Variants in CLASP2 observed in about 807,000 individuals in gnomAD.
CLASP2 encodes cytoplasmic linker associated protein 2.
In CLASP2, 47 loss-of-function variants were observed where a neutral mutation model predicts 194.4. The observed-to-expected ratio is 0.24, with a 90% CI of 0.19 to 0.31. The LOEUF (loss-of-function observed/expected upper bound fraction) is 0.31. CLASP2 is among the 10% of genes least tolerant of loss of function. The pLI is 1.00. For missense variants in CLASP2, 1,445 were observed against 1,823.6 expected, an observed-to-expected ratio of 0.79 and a Z score of 3.78; for synonymous variants, 619 against 633.5, an observed-to-expected ratio of 0.98 and a Z score of 0.34.
chr3:33,615,548 G>C (rs867172306), intron 12 of CLASP2, among the ~76,000 whole-genome samples: 4 of 136,842 alleles, frequency 2.9e-5, no homozygotes, highest in Non-Finnish European at 4.8e-5. Flanking sequence ...GAATTTACCA[G>C]ATAAAGCAGA....
rs1559734302 is a variant in CLASP2 at position 33,718,192 on chromosome 3, G to C, written c.-190C>G. 1 of 402,338 alleles carries C rather than the reference G, an allele frequency of 2.5e-6. No individual in the cohort carries two copies. The allele number at this position is 402,338 out of a possible 1,614,324, so 24.9% of individuals were successfully genotyped here. On this transcript the variant is annotated 5_prime_UTR_variant, in exon 1 of 39. Coordinates refer to ENST00000682230, the MANE Select transcript of CLASP2 (RefSeq NM_001365631.1). The stretch of plus-strand genomic sequence containing the variant: ...AGCCGCCCCCAAACTAGTCAAACTC[G>C]GCGCCCCCCGATCCCCAGCCCGCTT...
At chr3:33,639,594 AAC>A (rs1319023183) in intron 8 of CLASP2, among the ~76,000 whole-genome samples, 4 of 152,190 alleles carry the variant, frequency 2.6e-5, no homozygotes, top group Admixed American at 6.5e-5. Flanking sequence ...ATTACAGTAA[AAC>A]ACATATTCTT....
At chr3:33,626,472 A>T (rs2078067544) in intron 10 of CLASP2, among the ~76,000 whole-genome samples, 1 of 152,154 alleles carries the variant, frequency 6.6e-6, no homozygotes, top group African/African-American at 2.4e-5. Flanking sequence ...GACCAAATCA[A>T]ATATTCTTAA....
intron 7 of CLASP2, among the ~76,000 whole-genome samples, chr3:33,656,108 T>G (rs2084160974): frequency 6.6e-6 from 1 of 152,128 alleles, no homozygotes; most frequent in Non-Finnish European, 1.5e-5. Flanking sequence ...TGGGTAAGGG[T>G]GAGGACAACT....
rs1046793403 is a variant in CLASP2, at chr3:33,718,176, C to A, written c.-174G>T. On this transcript the variant is annotated 5_prime_UTR_variant, in exon 1 of 39. Coordinates refer to ENST00000682230, the MANE Select transcript of CLASP2 (RefSeq NM_001365631.1). ...GGAACGCCAAGCGCCCAGCCGCCCC[C>A]AAACTAGTCAAACTCGGCGCCCCCC... The A allele has an allele frequency of 6.4e-6, 3 of 469,630 alleles. No individual in the cohort carries two copies. Among genetic ancestry groups the A allele is most frequent in the Non-Finnish European group, 1.1e-5 (3 of 280,442 alleles). The allele number at this position is 469,630 out of a possible 1,614,324, so 29.1% of individuals were successfully genotyped here.
At chr3:33,566,185 G>A (rs966450471) in intron 27 of CLASP2, among the ~76,000 whole-genome samples, 30 of 152,270 alleles carry the variant, frequency 2.0e-4, no homozygotes, top group African/African-American at 7.0e-4. Flanking sequence ...GTGGAAAGTG[G>A]CTATGCTAAT....
At chr3:33,654,526 A>C (rs2083809552) in intron 7 of CLASP2, among the ~76,000 whole-genome samples, 1 of 152,190 alleles carries the variant, frequency 6.6e-6, no homozygotes, top group African/African-American at 2.4e-5. Context: ...TCTGAATAAC[A>C]ATTAGGTAAG....
At chr3:33,532,094 A>G (rs769741908) in intron 34 of CLASP2, among the ~76,000 whole-genome samples, 2 of 152,252 alleles carry the variant, frequency 1.3e-5, no homozygotes, top group African/African-American at 4.8e-5. Flanking sequence ...AACATTATTC[A>G]TAACAGCCAA....
chr3:33,602,149 G>A (rs2072411169), intron 18 of CLASP2, among the ~76,000 whole-genome samples: 1 of 151,990 alleles, frequency 6.6e-6, no homozygotes, highest in Non-Finnish European at 1.5e-5. Flanking sequence ...AAGTAGCTGG[G>A]ATTACAGGCA....
chr3:33,513,342 C>T (rs897436132), intron 36 of CLASP2, among the ~76,000 whole-genome samples: 1 of 152,098 alleles, frequency 6.6e-6, no homozygotes, highest in Non-Finnish European at 1.5e-5. Context: ...AGTTCGAGAC[C>T]AGCCTTGCAA....
intron 30 of CLASP2, among the ~76,000 whole-genome samples, chr3:33,545,728 G>T (rs932125438): frequency 6.6e-6 from 1 of 152,054 alleles, no homozygotes; most frequent in African/African-American, 2.4e-5. Flanking sequence ...TGGCTAACAT[G>T]ATGAATCCCC....
At chr3:33,647,386 A>C (rs1409724924) in intron 7 of CLASP2, among the ~76,000 whole-genome samples, 2 of 152,110 alleles carry the variant, frequency 1.3e-5, no homozygotes, top group African/African-American at 4.8e-5. Flanking sequence ...CCCAACCCAA[A>C]CCTACTGAAT....
chr3:33,573,193 A>G lies in CLASP2; in HGVS notation c.2616T>C (p.Asn872=), dbSNP rs375259194. The change falls in exon 25 of 39, where the codon AAT becomes AAC. Residue 872 remains asparagine (N), a synonymous_variant. Coordinates refer to ENST00000682230, the MANE Select transcript of CLASP2 (RefSeq NM_001365631.1). ...CTGACCAATTGGAACTAGCACATCT[A>G]TTGAGGACTTCTGCCACATCTTCCG... ...RQTEDVAEVL[N]RCASSNWSER... is the part of the protein sequence containing the mutation. 361 of 1,613,754 alleles carry G rather than the reference A, an allele frequency of 2.2e-4. No individual in the cohort carries two copies. The highest frequency in any genetic ancestry group is 2.8e-4 in the Non-Finnish European group (336 of 1,179,830).
At chr3:33,568,212 A>C (rs2063091873) in intron 26 of CLASP2, among the ~76,000 whole-genome samples, 1 of 152,192 alleles carries the variant, frequency 6.6e-6, no homozygotes, top group Admixed American at 6.5e-5. Flanking sequence ...ACTTTAAAAA[A>C]TGACTTTAAA....
At position 33,644,768 on chromosome 3, in the gene CLASP2, G is replaced by A; in HGVS notation, c.851C>T (p.Pro284Leu). Reference sequence around the variant, plus strand: ...TGGATTTACATTACCTCCAACCTTAGGGCCACCTGCTGAACCAGGCTTCCT... The same window carrying A: ...TGGATTTACATTACCTCCAACCTTAAGGCCACCTGCTGAACCAGGCTTCCT... Reference protein sequence around the residue: ...SARKPGSAGGPKVGGASKEGG... With the variant: ...SARKPGSAGGLKVGGASKEGG... The change falls in exon 8 of 39, where the codon CCT becomes CTT. Residue 284 changes from proline (P) to leucine (L), a missense_variant. Coordinates refer to ENST00000682230, the MANE Select transcript of CLASP2 (RefSeq NM_001365631.1). 8 of 1,613,240 alleles carry A rather than the reference G, an allele frequency of 5.0e-6. No homozygotes were observed. Among genetic ancestry groups the A allele is most frequent in the Non-Finnish European group, 6.8e-6 (8 of 1,179,624 alleles).
intron 27 of CLASP2, among the ~76,000 whole-genome samples, chr3:33,563,396 C>A (rs1385793980): frequency 1.3e-5 from 2 of 152,160 alleles, no homozygotes; most frequent in Non-Finnish European, 1.5e-5. Flanking sequence ...TCCCATGAGG[C>A]CTTTTTCCTG....
intron 1 of CLASP2, among the ~76,000 whole-genome samples, chr3:33,715,855 A>G: frequency 6.7e-6 from 1 of 149,670 alleles, no homozygotes; most frequent in Non-Finnish European, 1.5e-5. Flanking sequence ...AGTAAAAAAA[A>G]AAAAAAAAAA....
intron 8 of CLASP2, among the ~76,000 whole-genome samples, chr3:33,640,528 G>C (rs2154303221): frequency 6.6e-6 from 1 of 152,218 alleles, no homozygotes; most frequent in Middle Eastern, 3.4e-3. Context: ...CTGTCCACTT[G>C]AATGAATGAG....
intron 30 of CLASP2, among the ~76,000 whole-genome samples, chr3:33,545,767 G>A (rs757429252): frequency 6.6e-6 from 1 of 152,052 alleles, no homozygotes; most frequent in African/African-American, 2.4e-5. Context: ...AAAACTAGCC[G>A]GGTGTGGTGG....
Sources: allele counts gnomAD v4.1 joint callset (sites outside exome capture counted in the v4.1 genomes callset), GRCh38; gene constraint gnomAD v4.1.1; transcripts MANE v1.5; gene names NCBI Gene and HGNC (gene_info 2026-07-23, HGNC 2026-07-21).